FOXJ3: variants seen among roughly 807,000 people sequenced by gnomAD.
FOXJ3 encodes forkhead box J3.
FOXJ3 carries 22 observed loss-of-function variants against 76.1 expected under a neutral mutation model. The ratio of observed to expected loss-of-function variants is 0.29; its 90% confidence interval spans 0.21 to 0.41. FOXJ3 has a LOEUF of 0.41. FOXJ3 is among the 10% of genes least tolerant of loss of function. The probability of loss-of-function intolerance (pLI) is 1.00; values close to 1 mark genes in which losing one functional copy is unlikely to be tolerated. For missense variants in FOXJ3, 613 were observed against 762.1 expected, an observed-to-expected ratio of 0.80 and a Z score of 2.30; for synonymous variants, 269 against 261.2, an observed-to-expected ratio of 1.03 and a Z score of -0.29.
At chr1:42,319,481 T>G (rs1570248184) in intron 1 of FOXJ3, among the ~76,000 whole-genome samples, 2 of 152,178 alleles carry the variant, frequency 1.3e-5, no homozygotes, top group East Asian at 3.8e-4. Flanking sequence ...AGCAGTTTCT[T>G]AGGGTTAGCA....
rs1053259724 is a variant in FOXJ3 at position 42,177,343 on chromosome 1, C to T, written c.*2367G>A. Reference sequence around the variant, plus strand: ...ATTCGCTTCACACAATTTATAAAATCATCATCAGTGGTTCTACTCAAATCA... The same window carrying T: ...ATTCGCTTCACACAATTTATAAAATTATCATCAGTGGTTCTACTCAAATCA... On this transcript the variant is annotated 3_prime_UTR_variant, in exon 13 of 13. Coordinates refer to ENST00000361346, the MANE Select transcript of FOXJ3 (RefSeq NM_014947.5). 6.5e-6 allele frequency: 1 copy of T among 152,672 alleles called. No individual in the cohort carries two copies. Among genetic ancestry groups the T allele is most frequent in the Non-Finnish European group, 1.5e-5 (1 of 68,050 alleles). The allele number at this position is 152,672 out of a possible 1,614,324, so 9.5% of individuals were successfully genotyped here.
At chr1:42,194,601 G>A (rs1400278361) in intron 8 of FOXJ3, among the ~76,000 whole-genome samples, 1 of 152,172 alleles carries the variant, frequency 6.6e-6, no homozygotes, top group Non-Finnish European at 1.5e-5. Context: ...ATTAATTATA[G>A]TAGTGTTTCC....
intron 11 of FOXJ3, among the ~76,000 whole-genome samples, chr1:42,183,147 G>A (rs1278334159): frequency 1.3e-5 from 2 of 150,628 alleles, no homozygotes; most frequent in Non-Finnish European, 3.0e-5. Flanking sequence ...GTGGTGGCAT[G>A]AGCCTGTAGT....
chr1:42,193,392 G>A (rs1646587559), intron 8 of FOXJ3, among the ~76,000 whole-genome samples: 1 of 147,804 alleles, frequency 6.8e-6, no homozygotes, highest in East Asian at 2.0e-4. Flanking sequence ...ACTTCCTATC[G>A]ATGTTCCTTT....
intron 2 of FOXJ3, among the ~76,000 whole-genome samples, chr1:42,310,467 G>GGACAGA (rs1283800921): frequency 7.2e-6 from 1 of 139,242 alleles, no homozygotes; most frequent in Non-Finnish European, 1.5e-5. Context: ...TTTTTTTTTA[G>GGACAGA]GACAGAGTCT....
chr1:42,297,990 C>T (rs975899456), intron 2 of FOXJ3, among the ~76,000 whole-genome samples: 3 of 152,086 alleles, frequency 2.0e-5, no homozygotes, highest in African/African-American at 7.2e-5. Context: ...AATCTCACCT[C>T]GTAGTTCCCC....
intron 2 of FOXJ3, among the ~76,000 whole-genome samples, chr1:42,292,901 G>C (rs1653535440): frequency 6.6e-6 from 1 of 152,116 alleles, no homozygotes; most frequent in Non-Finnish European, 1.5e-5. Context: ...AGGATGTCAA[G>C]AACAGCCTGG....
chr1:42,251,413 T>C (rs934490894), intron 4 of FOXJ3, among the ~76,000 whole-genome samples: 2 of 152,132 alleles, frequency 1.3e-5, no homozygotes, highest in Non-Finnish European at 2.9e-5. Context: ...CAAAGGCCTA[T>C]AGAATTTGTT....
At chr1:42,180,097 C>T (rs542852170) in intron 12 of FOXJ3, among the ~76,000 whole-genome samples, 1 of 152,266 alleles carries the variant, frequency 6.6e-6, no homozygotes, top group Non-Finnish European at 1.5e-5. Flanking sequence ...TTCCATTATA[C>T]CAGGCTGCAG....
At chr1:42,315,839 TG>T (rs1220356423) in intron 1 of FOXJ3, among the ~76,000 whole-genome samples, 1 of 152,236 alleles carries the variant, frequency 6.6e-6, no homozygotes, top group Non-Finnish European at 1.5e-5. Flanking sequence ...TGGTTTTATT[TG>T]GTGCCTACAG....
chr1:42,189,116 A>C, intron 10 of FOXJ3, 187 bp downstream of exon 10: 2 of 615,724 alleles, frequency 3.2e-6, no homozygotes, highest in Non-Finnish European at 5.5e-6. Flanking sequence ...AATGTGGTCA[A>C]ATTTCTTTCA....
At chr1:42,200,719 C>T (rs1232198295) in intron 6 of FOXJ3, among the ~76,000 whole-genome samples, 1 of 152,106 alleles carries the variant, frequency 6.6e-6, no homozygotes, top group Non-Finnish European at 1.5e-5. Flanking sequence ...ACCTCGTGAT[C>T]CACCCCACCT....
intron 4 of FOXJ3, among the ~76,000 whole-genome samples, chr1:42,243,422 A>C (rs1649304258): frequency 6.6e-6 from 1 of 152,192 alleles, no homozygotes; most frequent in Admixed American, 6.5e-5. Context: ...ATCCATAACA[A>C]CCTTGAATGT....
intron 5 of FOXJ3, among the ~76,000 whole-genome samples, chr1:42,213,530 A>G (rs1002925085): frequency 2.6e-5 from 4 of 152,126 alleles, no homozygotes; most frequent in Non-Finnish European, 4.4e-5. Context: ...ACAAGAAGAT[A>G]TAACAAACCT....
intron 4 of FOXJ3, among the ~76,000 whole-genome samples, chr1:42,251,497 T>G (rs1650043784): frequency 6.6e-6 from 1 of 150,994 alleles, no homozygotes; most frequent in Admixed American, 6.6e-5. Flanking sequence ...AGATGGAGAG[T>G]TTTTAGCATG....
chr1:42,323,275 A>G (rs1655540167), intron 1 of FOXJ3, among the ~76,000 whole-genome samples: 2 of 152,196 alleles, frequency 1.3e-5, no homozygotes, highest in African/African-American at 4.8e-5. Flanking sequence ...AAAGTGTTCA[A>G]TATCCTAAAA....
intron 6 of FOXJ3, 54 bp from the exon 7 acceptor site, chr1:42,199,284 C>G: frequency 9.3e-6 from 14 of 1,501,456 alleles, no homozygotes; most frequent in Non-Finnish European, 1.3e-5. Flanking sequence ...TCTTAAGCAA[C>G]TCTGCAAAAA....
chr1:42,189,142 C>T, intron 10 of FOXJ3, 161 bp downstream of exon 10: 1 of 623,810 alleles, frequency 1.6e-6, no homozygotes. Context: ...TGTCTGTGAC[C>T]CTCTGCTATA....
chr1:42,222,454 GGAAT>G (rs1647251321), intron 5 of FOXJ3, among the ~76,000 whole-genome samples: 1 of 152,082 alleles, frequency 6.6e-6, no homozygotes, highest in African/African-American at 2.4e-5. Flanking sequence ...AGCAACACCA[GGAAT>G]GTACATTCAT....
Sources: allele counts gnomAD v4.1 joint callset (sites outside exome capture counted in the v4.1 genomes callset), GRCh38; gene constraint gnomAD v4.1.1; transcripts MANE v1.5; gene names NCBI Gene and HGNC (gene_info 2026-07-23, HGNC 2026-07-21).